KCND2: variants seen among roughly 807,000 people sequenced by gnomAD.
KCND2 encodes the protein potassium voltage-gated channel subfamily D member 2, also known as A-type voltage-gated potassium channel KCND2.
KCND2 carries 16 observed loss-of-function variants against 54.4 expected under a neutral mutation model. The observed-to-expected ratio is 0.29, with a 90% CI of 0.20 to 0.45. The LOEUF is 0.45. Ranked by LOEUF, KCND2 falls within the 20% of genes least tolerant of loss-of-function variation. The pLI is 1.00. For synonymous variants in KCND2, 317 were observed against 310.7 expected (o/e 1.02, Z -0.21); for missense variants, 486 against 824.2 (o/e 0.59, Z 5.02).
intron 1 of KCND2, among the ~76,000 whole-genome samples, chr7:120,538,316 G>T (rs1791936791): frequency 6.6e-6 from 1 of 152,162 alleles, no homozygotes; most frequent in Admixed American, 6.5e-5. Flanking sequence ...TAACATCAAA[G>T]ATCACTGATC....
Position 120,721,462 on chromosome 7 carries a change from A to G in KCND2, c.1116-11441A>G, listed in dbSNP as rs113509257. On this transcript the variant is annotated intron_variant, in intron 1 of 5. Coordinates refer to ENST00000331113, the MANE Select transcript of KCND2 (RefSeq NM_012281.3). ...CTTTGTCTCACTTTGATTGGAATAG[A>G]ATCTTTCTTCTAAAACATAACTAAT... Among the ~76,000 whole-genome samples the G allele has an allele frequency of 4.9e-4, 74 of 152,306 alleles. 3 individuals carry two copies. Among genetic ancestry groups the G allele is most frequent in the African/African-American group, 1.7e-3 (69 of 41,584 alleles).
chr7:120,648,947 AAATT>A (rs1562898220), intron 1 of KCND2, among the ~76,000 whole-genome samples: 1 of 152,200 alleles, frequency 6.6e-6, no homozygotes, highest in East Asian at 1.9e-4. Context: ...ATTTAAATAA[AAATT>A]AATAAGCCAT....
intron 1 of KCND2, among the ~76,000 whole-genome samples, chr7:120,306,002 C>G (rs1375465655): frequency 4.6e-5 from 7 of 152,078 alleles, no homozygotes; most frequent in Non-Finnish European, 1.0e-4. Context: ...AATGGCTTTA[C>G]AGTAGAATTG....
intron 1 of KCND2, among the ~76,000 whole-genome samples, chr7:120,521,111 T>G (rs1265593949): frequency 6.6e-6 from 1 of 152,142 alleles, no homozygotes; most frequent in Non-Finnish European, 1.5e-5. Flanking sequence ...TTCTGCAGAT[T>G]AAGCCCTGTT....
chr7:120,352,694 C>G (rs760911383), intron 1 of KCND2, among the ~76,000 whole-genome samples: 1 of 151,938 alleles, frequency 6.6e-6, no homozygotes, highest in Non-Finnish European at 1.5e-5. Flanking sequence ...TACAATTTAG[C>G]TTACATGTGT....
chr7:120,746,978 T>G (rs988241111), intron 5 of KCND2: 1 of 152,154 alleles, frequency 6.6e-6, no homozygotes, highest in African/African-American at 2.4e-5. Flanking sequence ...TTTATATCCT[T>G]TATAAAGTGA....
intron 1 of KCND2, among the ~76,000 whole-genome samples, chr7:120,425,990 G>A (rs538342613): frequency 1.1e-3 from 160 of 151,142 alleles, no homozygotes; most frequent in African/African-American, 3.5e-3. Context: ...TAGAAGTAAA[G>A]GAATATTACA....
At chr7:120,496,591 C>T (rs802343) in intron 1 of KCND2, among the ~76,000 whole-genome samples, 43,391 of 151,136 alleles carry the variant, frequency 0.29, 8,816 homozygotes, top group African/African-American at 0.56. Flanking sequence ...CGCCTGGCTG[C>T]TTTTTCGTAT....
chr7:120,723,721 C>T (rs1034915876), intron 1 of KCND2, among the ~76,000 whole-genome samples: 1 of 152,090 alleles, frequency 6.6e-6, no homozygotes, highest in Non-Finnish European at 1.5e-5. Context: ...ATAGTGAGAC[C>T]TTGTCTCTTA....
At chr7:120,474,808 C>A (rs947636913) in intron 1 of KCND2, among the ~76,000 whole-genome samples, 4 of 152,170 alleles carry the variant, frequency 2.6e-5, no homozygotes, top group African/African-American at 9.7e-5. Flanking sequence ...TTATTTGTTT[C>A]TCTATATATT....
chr7:120,422,366 C>T (rs1801637991), intron 1 of KCND2, among the ~76,000 whole-genome samples: 2 of 152,144 alleles, frequency 1.3e-5, no homozygotes, highest in African/African-American at 2.4e-5. Context: ...TTTTCTTCTT[C>T]CTTCATCCAC....
intron 1 of KCND2, among the ~76,000 whole-genome samples, chr7:120,550,573 T>G (rs934036636): frequency 1.3e-5 from 2 of 152,212 alleles, no homozygotes; most frequent in African/African-American, 4.8e-5. Context: ...TGATTCCATT[T>G]TATGTGAAGA....
chr7:120,315,398 C>T (rs977421348), intron 1 of KCND2, among the ~76,000 whole-genome samples: 4 of 152,116 alleles, frequency 2.6e-5, no homozygotes, highest in Non-Finnish European at 5.9e-5. Context: ...TGTCTCTAGG[C>T]GGTTAAGCCC....
chr7:120,383,626 A>G (rs1281821640), intron 1 of KCND2, among the ~76,000 whole-genome samples: 2 of 152,070 alleles, frequency 1.3e-5, no homozygotes, highest in Non-Finnish European at 2.9e-5. Flanking sequence ...ATACCAAAAT[A>G]AGCAACATTT....
Position 120,490,968 on chromosome 7 carries a change from A to T in KCND2, c.1115+215221A>T, listed in dbSNP as rs187862069. 9.3e-4 allele frequency among the ~76,000 whole-genome samples: 142 copies of T among 152,236 alleles called. 1 individual carries two copies. In the Middle Eastern group the frequency reaches 0.02, roughly 22 times the overall value. On this transcript the variant is annotated intron_variant, in intron 1 of 5. Transcript: ENST00000331113. ...AGAGGTCATCCTTTCAAACCAAAAAATGGGATTTAGTGAATGATTAGTGAC... is the reference window on the plus strand; with the variant it reads ...AGAGGTCATCCTTTCAAACCAAAAATTGGGATTTAGTGAATGATTAGTGAC...
At chr7:120,561,458 T>A (rs926203129) in intron 1 of KCND2, among the ~76,000 whole-genome samples, 2 of 152,120 alleles carry the variant, frequency 1.3e-5, no homozygotes, top group Non-Finnish European at 2.9e-5. Context: ...TCCTATGAGG[T>A]ATAACTATTG....
chr7:120,685,623 G>A (rs752225633), intron 1 of KCND2, among the ~76,000 whole-genome samples: 7 of 152,038 alleles, frequency 4.6e-5, no homozygotes, highest in African/African-American at 1.7e-4. Flanking sequence ...TCAGAATGGC[G>A]GTGTCAACTA....
chr7:120,636,692 G>A (rs1285579269), intron 1 of KCND2, among the ~76,000 whole-genome samples: 1 of 152,018 alleles, frequency 6.6e-6, no homozygotes, highest in African/African-American at 2.4e-5. Flanking sequence ...AAAATATCTC[G>A]ATGTGAAAGT....
chr7:120,509,124 A>G (rs532924174), intron 1 of KCND2, among the ~76,000 whole-genome samples: 1 of 152,042 alleles, frequency 6.6e-6, no homozygotes, highest in Non-Finnish European at 1.5e-5. Context: ...TTGTAATTAT[A>G]TTTATAATGT....
Sources: allele counts gnomAD v4.1 joint callset (sites outside exome capture counted in the v4.1 genomes callset), GRCh38; gene constraint gnomAD v4.1.1; transcripts MANE v1.5; gene names NCBI Gene and HGNC (gene_info 2026-07-23, HGNC 2026-07-21).